The following TTC21B variants were observed in gnomAD, a reference collection of about 807,000 sequenced individuals.
TTC21B encodes the protein tetratricopeptide repeat domain 21B.
In TTC21B, 127 loss-of-function variants were observed where a neutral mutation model predicts 175.1. That is an observed-to-expected ratio of 0.73 (90% CI 0.63 to 0.84). The LOEUF (loss-of-function observed/expected upper bound fraction) is 0.84. Among genes scored for constraint, TTC21B ranks in the 40% least tolerant of loss-of-function variants. TTC21B has a pLI of 0.00. For missense variants in TTC21B, 1,561 were observed against 1,558.3 expected (o/e 1.00, Z -0.03); for synonymous variants, 524 against 524.5 (o/e 1.00, Z 0.01).
At chr2:165,919,909 C>G (rs1377155618) in intron 12 of TTC21B, among the ~76,000 whole-genome samples, 1 of 151,748 alleles carries the variant, frequency 6.6e-6, no homozygotes, top group Non-Finnish European at 1.5e-5. Flanking sequence ...ACAAAAAAGG[C>G]CTAAGGATAT....
In TTC21B at chr2:165,930,146, A is replaced by T. The variant is rs746327218; in HGVS notation, c.1087+26T>A. Reference sequence around the variant, plus strand: ...AATTGCTACTTGTATCTATATTATAAATATTTATGAAAACAGTTGTCATAC... The same window carrying T: ...AATTGCTACTTGTATCTATATTATATATATTTATGAAAACAGTTGTCATAC... On this transcript the variant is annotated intron_variant, in intron 9 of 28. Transcript: ENST00000243344. The T allele has an allele frequency of 9.4e-6, 15 of 1,600,970 alleles. 1 individual carries two copies. The South Asian group carries it at 1.4e-4, about 15-fold the overall frequency.
rs1199972054 is a variant in TTC21B, at chr2:165,901,814, C to G, written c.2665G>C (p.Glu889Gln). The change falls in exon 20 of 29, where the codon GAG (glutamate) becomes CAG (glutamine). Residue 889 changes from glutamate (E) to glutamine (Q), a missense_variant. Coordinates refer to ENST00000243344, the MANE Select transcript of TTC21B (RefSeq NM_024753.5). ...TGAGCAACAGAATGTTTTGCAATCTCTGCACAAATTTCAGCTGCTAAATGT... is the reference window on the plus strand; with the variant it reads ...TGAGCAACAGAATGTTTTGCAATCTGTGCACAAATTTCAGCTGCTAAATGT... ...QKHLAAEICAEIAKHSVAQRD... is the reference protein window; with the variant it reads ...QKHLAAEICAQIAKHSVAQRD... 1 of 1,614,094 alleles carries G rather than the reference C, an allele frequency of 6.2e-7. No individual in the cohort carries two copies.
intron 1 of TTC21B, among the ~76,000 whole-genome samples, chr2:165,952,393 GT>G (rs778053935): frequency 3.3e-5 from 5 of 151,982 alleles, no homozygotes; most frequent in Admixed American, 6.6e-5. Context: ...AGACCATACG[GT>G]CCATAAAGTC....
chr2:165,946,590 C>A (rs1687574438), intron 3 of TTC21B, among the ~76,000 whole-genome samples: 1 of 152,126 alleles, frequency 6.6e-6, no homozygotes. Context: ...GTGATCCCAG[C>A]ACTTTGGGAG....
chr2:165,877,225 T>C (rs374917698), intron 27 of TTC21B, among the ~76,000 whole-genome samples: 3 of 152,200 alleles, frequency 2.0e-5, no homozygotes, highest in Admixed American at 1.3e-4. Context: ...GAAGTGTAAA[T>C]AGTGCTCTTC....
At chr2:165,935,764 T>C (rs1304441553) in intron 6 of TTC21B, among the ~76,000 whole-genome samples, 1 of 152,128 alleles carries the variant, frequency 6.6e-6, no homozygotes, top group Non-Finnish European at 1.5e-5. Flanking sequence ...TAACAAAATA[T>C]GTGCAAGATT....
chr2:165,881,084 T>C (rs967140375), intron 26 of TTC21B, among the ~76,000 whole-genome samples: 11 of 152,142 alleles, frequency 7.2e-5, no homozygotes, highest in African/African-American at 2.7e-4. Context: ...TTATGAGTGA[T>C]TTAAACACAT....
intron 3 of TTC21B, chr2:165,948,297 A>C (rs1301927622): frequency 1.3e-5 from 2 of 152,152 alleles, no homozygotes; most frequent in Non-Finnish European, 2.9e-5. Flanking sequence ...GAAACATTGG[A>C]ATTTAATCTT....
intron 25 of TTC21B, among the ~76,000 whole-genome samples, 166 bp downstream of exon 25, chr2:165,888,101 GTAACATCGTCTC>G (rs1214227750): frequency 6.6e-6 from 1 of 152,148 alleles, no homozygotes; most frequent in Non-Finnish European, 1.5e-5. Context: ...CAACAAAACA[GTAACATCGTCTC>G]TTCCGCCAAG....
At chr2:165,917,610 C>T (rs1686225348) in intron 13 of TTC21B, 129 bp from the exon 14 acceptor site, 3 of 776,792 alleles carry the variant, frequency 3.9e-6, no homozygotes, top group African/African-American at 3.4e-5. Context: ...TGAGGTCTAT[C>T]TCTGCCCTCT....
rs191565172 is a variant in TTC21B at position 165,908,496 on chromosome 2, C to T, written c.2462-712G>A. 2.4e-3 allele frequency among the ~76,000 whole-genome samples: 366 copies of T among 152,152 alleles called. 1 individual carries two copies. Among genetic ancestry groups the T allele is most frequent in the African/African-American group, 8.2e-3 (341 of 41,534 alleles). ...TGTGTCTAAGAACAATAAAAGAACC[C>T]TAGATAATTAACAAAAATGTTTCCT... On this transcript the variant is annotated intron_variant, in intron 18 of 28. Transcript: ENST00000243344.
At chr2:165,890,725 CTGT>C in intron 23 of TTC21B, 85 bp from the exon 24 acceptor site, 2 of 1,547,006 alleles carry the variant, frequency 1.3e-6, no homozygotes. Context: ...GTAAATAAAA[CTGT>C]TGAATTATTT....
At position 165,930,202 on chromosome 2, in the gene TTC21B, G is replaced by A. The variant is rs762828145; in HGVS notation, c.1057C>T (p.Leu353Phe). Residue 353 changes from leucine (L) to phenylalanine (F), a missense_variant, in exon 9 of 29, where the codon CTT becomes TTT. Leu to Phe is a conservative substitution (Grantham distance 22, BLOSUM62 0). Transcript: ENST00000243344. The stretch of plus-strand genomic sequence containing the variant: ...AGGGCAGACACACTAGTCTCATCAA[G>A]TGTCATGGCGGTCTTATACCACTTC... ...ALKWYKTAMT[L>F]DETSVSALVG... The A allele has an allele frequency of 1.9e-6, 3 of 1,613,248 alleles. No homozygotes were observed. The highest frequency in any genetic ancestry group is 2.5e-6 in the Non-Finnish European group (3 of 1,179,422).
intron 8 of TTC21B, among the ~76,000 whole-genome samples, chr2:165,930,575 T>C (rs920154364): frequency 3.3e-5 from 5 of 152,132 alleles, no homozygotes; most frequent in African/African-American, 1.2e-4. Context: ...AATATCCTAA[T>C]GAATATAATG....
chr2:165,896,157 G>A (rs983163436), intron 22 of TTC21B, among the ~76,000 whole-genome samples: 3 of 128,816 alleles, frequency 2.3e-5, no homozygotes, highest in Admixed American at 1.6e-4. Context: ...AGCCTGAGAT[G>A]AAGGTGGTGG....
intron 11 of TTC21B, 35 bp from the exon 12 acceptor site, chr2:165,924,713 T>G: frequency 6.3e-7 from 1 of 1,592,464 alleles, no homozygotes; most frequent in Non-Finnish European, 8.6e-7. Context: ...ATTTTATAAG[T>G]GTAAAAATAA....
At chr2:165,948,480 G>T (rs1190318336) in intron 3 of TTC21B, 3 of 152,170 alleles carry the variant, frequency 2.0e-5, no homozygotes, top group Non-Finnish European at 4.4e-5. Flanking sequence ...TATGAAGGAG[G>T]TATGTCATAC....
chr2:165,895,270 C>A (rs34797455), intron 22 of TTC21B, among the ~76,000 whole-genome samples: 38,711 of 151,832 alleles, frequency 0.25, 5,530 homozygotes, highest in Middle Eastern at 0.45. Flanking sequence ...TAAAAAATTG[C>A]TTTTATATTT....
chr2:165,930,828 TA>T (rs1298613706), intron 8 of TTC21B, among the ~76,000 whole-genome samples: 1 of 148,880 alleles, frequency 6.7e-6, no homozygotes, highest in African/African-American at 2.4e-5. Context: ...GTTTTCCCCC[TA>T]AACACTAGCT....
Sources: gnomAD v4.1 joint callset for allele counts (sites outside exome capture counted in the v4.1 genomes callset) on GRCh38, gnomAD v4.1.1 for gene constraint, MANE v1.5 for transcripts, NCBI Gene and HGNC (gene_info 2026-07-23, HGNC 2026-07-21) for gene names.